PRDX3: variants seen among roughly 807,000 people sequenced by gnomAD.
PRDX3 encodes peroxiredoxin 3.
In PRDX3, 20 loss-of-function variants were observed where a neutral mutation model predicts 30.4. The observed-to-expected ratio is 0.66, with a 90% confidence interval of 0.46 to 0.96. PRDX3 has a LOEUF of 0.96. Among genes scored for constraint, PRDX3 ranks in the 40% least tolerant of loss-of-function variants. The pLI, the probability that PRDX3 is intolerant of heterozygous loss-of-function variation, is 0.00. For missense variants in PRDX3, 322 were observed against 318.3 expected (o/e 1.01, Z -0.09); for synonymous variants, 124 against 117.8 (o/e 1.05, Z -0.34).
chr10:119,173,461 T>C (rs550191486), intron 4 of PRDX3, among the ~76,000 whole-genome samples: 16 of 151,924 alleles, frequency 1.1e-4, no homozygotes, highest in African/African-American at 3.9e-4. Flanking sequence ...AATACAAAAT[T>C]AGCCAGGGGT....
chr10:119,176,257 C>T (rs1257238263), intron 2 of PRDX3, among the ~76,000 whole-genome samples: 2 of 152,112 alleles, frequency 1.3e-5, no homozygotes, highest in Non-Finnish European at 2.9e-5. Flanking sequence ...AAACAGGAGG[C>T]GCTGCTGGGG....
In PRDX3 at chr10:119,172,310, T is replaced by G. The variant is rs1015276790; in HGVS notation, c.551+72A>C. The G allele has an allele frequency of 6.1e-6, 8 of 1,314,530 alleles. No homozygotes were observed. The Admixed American group carries it at 1.2e-4, about 20-fold the overall frequency. 81.4% of individuals were successfully genotyped at this position (1,314,530 alleles called of 1,614,324 possible). A position where few individuals can be genotyped will look rare whatever the true frequency, so the allele number is the denominator to read the frequency against. On this transcript the variant is annotated intron_variant, in intron 5 of 6. Coordinates refer to ENST00000298510, the MANE Select transcript of PRDX3 (RefSeq NM_006793.5). Reference sequence around the variant, plus strand: ...TAAAAATGCTTTACCAAGGTCTACATAAATCCCCTAAGAAGCAGAATGATA... The same window carrying G: ...TAAAAATGCTTTACCAAGGTCTACAGAAATCCCCTAAGAAGCAGAATGATA...
At chr10:119,173,611 A>C (rs1425578011) in intron 4 of PRDX3, 126 bp downstream of exon 4, 1 of 1,121,376 alleles carries the variant, frequency 8.9e-7, no homozygotes, top group Admixed American at 2.7e-5. Context: ...CTCCGTCTCA[A>C]AAAAAAAAAA....
intron 2 of PRDX3, among the ~76,000 whole-genome samples, chr10:119,176,592 G>C (rs1848032986): frequency 6.6e-6 from 1 of 152,146 alleles, no homozygotes; most frequent in Non-Finnish European, 1.5e-5. Context: ...CCATTAGACA[G>C]GTCTGGTTCC....
intron 6 of PRDX3, 138 bp downstream of exon 6, chr10:119,169,039 C>A: frequency 3.3e-6 from 3 of 913,828 alleles, no homozygotes. Flanking sequence ...CCCCCTCTAC[C>A]CCACAGCAGC....
chr10:119,170,042 G>A lies in PRDX3; in HGVS notation c.552-700C>T, dbSNP rs35131241. ...ACTGTATTGCCCACGCTGGAGTGCA[G>A]TGCTCTTCTCAGGTGTGATCACAGC... On this transcript the variant is annotated intron_variant, in intron 5 of 6. Coordinates refer to ENST00000298510, the MANE Select transcript of PRDX3 (RefSeq NM_006793.5). 5.8e-4 allele frequency: 89 copies of A among 152,340 alleles called. 1 individual carries two copies. The highest frequency in any genetic ancestry group is 2.1e-3 in the African/African-American group (86 of 41,544). The allele number at this position is 152,340 out of a possible 1,614,324, so 9.4% of individuals were successfully genotyped here. A position where few individuals can be genotyped will look rare whatever the true frequency, so the allele number is the denominator to read the frequency against.
At chr10:119,168,642 A>G in intron 6 of PRDX3, 109 bp from the exon 7 acceptor site, 1 of 1,515,326 alleles carries the variant, frequency 6.6e-7, no homozygotes. Flanking sequence ...AAACTTTTAA[A>G]GATTTCCTTT....
intron 2 of PRDX3, among the ~76,000 whole-genome samples, chr10:119,175,903 C>T (rs1278373582): frequency 1.3e-5 from 2 of 151,900 alleles, no homozygotes; most frequent in East Asian, 3.9e-4. Flanking sequence ...CTCAGCCTCC[C>T]AAGTAGCTGG....
chr10:119,169,455 A>G (rs928619453), intron 5 of PRDX3, 113 bp from the exon 6 acceptor site: 8 of 917,514 alleles, frequency 8.7e-6, no homozygotes, highest in African/African-American at 6.7e-5. Context: ...TATTAAGCGT[A>G]ATCATATGCT....
At chr10:119,171,799 A>T (rs1564837094) in intron 5 of PRDX3, among the ~76,000 whole-genome samples, 1 of 152,094 alleles carries the variant, frequency 6.6e-6, no homozygotes, top group Non-Finnish European at 1.5e-5. Flanking sequence ...TAGCTGAGTT[A>T]AAAAAAAGAA....
At position 119,168,380 on chromosome 10, in the gene PRDX3, G is replaced by A; in HGVS notation, c.*100C>T. The stretch of plus-strand genomic sequence containing the variant: ...ATACTTATGAATACAAGCATAATTG[G>A]TTCCTTGCCTTCTACAAATAACCAT... On this transcript the variant is annotated 3_prime_UTR_variant, in exon 7 of 7. Transcript: ENST00000298510. The A allele has an allele frequency of 6.3e-7, 1 of 1,577,468 alleles. No homozygotes were observed. The highest frequency in any genetic ancestry group is 8.6e-7 in the Non-Finnish European group (1 of 1,167,232).
At chr10:119,170,467 G>A (rs1467939768) in intron 5 of PRDX3, 1 of 152,042 alleles carries the variant, frequency 6.6e-6, no homozygotes, top group Non-Finnish European at 1.5e-5. Context: ...CGGGTACAGA[G>A]GTAACTGCAA....
At chr10:119,177,427 AGAC>A (rs1294467438) in intron 1 of PRDX3, among the ~76,000 whole-genome samples, 1 of 152,166 alleles carries the variant, frequency 6.6e-6, no homozygotes, top group East Asian at 1.9e-4. Context: ...TGGGAGGCCA[AGAC>A]GGGTTGATCA....
At chr10:119,177,649 C>CA (rs34339894) in intron 1 of PRDX3, among the ~76,000 whole-genome samples, 3,784 of 94,766 alleles carry the variant, frequency 0.04, 162 homozygotes, top group African/African-American at 0.11. Context: ...AACTCCGTCT[C>CA]AAAAAAAAAA....
intron 5 of PRDX3, chr10:119,170,438 G>A (rs1424270542): frequency 6.6e-6 from 1 of 152,018 alleles, no homozygotes; most frequent in African/African-American, 2.4e-5. Flanking sequence ...TCTCTCTCTT[G>A]TTAATCTCAA....
chr10:119,177,210 A>G, intron 1 of PRDX3, 57 bp from the exon 2 acceptor site: 1 of 1,585,966 alleles, frequency 6.3e-7, no homozygotes, highest in Non-Finnish European at 8.6e-7. Flanking sequence ...TGAAGGCTGA[A>G]AGGGCATCGT....
intron 2 of PRDX3, among the ~76,000 whole-genome samples, chr10:119,175,405 CAG>C (rs919911856): frequency 3.3e-5 from 5 of 152,146 alleles, no homozygotes; most frequent in African/African-American, 4.8e-5. Flanking sequence ...GGAAAGATAA[CAG>C]AGTCAAGGGC....
At chr10:119,177,781 A>G (rs947947358) in intron 1 of PRDX3, among the ~76,000 whole-genome samples, 14 of 151,870 alleles carry the variant, frequency 9.2e-5, no homozygotes, top group South Asian at 2.1e-4. Flanking sequence ...GGTTTTCCTT[A>G]GAAAAACAAG....
intron 3 of PRDX3, 42 bp downstream of exon 3, chr10:119,174,409 G>A: frequency 6.4e-7 from 1 of 1,563,202 alleles, no homozygotes; most frequent in African/African-American, 1.4e-5. Flanking sequence ...ATATGTGCTT[G>A]CTCTCAGAAT....
Sources: allele counts gnomAD v4.1 joint callset (sites outside exome capture counted in the v4.1 genomes callset), GRCh38; gene constraint gnomAD v4.1.1; transcripts MANE v1.5; gene names NCBI Gene and HGNC (gene_info 2026-07-23, HGNC 2026-07-21).